The following FHOD3 variants were observed in gnomAD, a reference collection of about 807,000 sequenced individuals.
FHOD3 encodes the protein FH1/FH2 domain-containing protein 3.
In FHOD3, 90 loss-of-function variants were observed where a neutral mutation model predicts 173.0. That is an observed-to-expected ratio of 0.52 (90% CI 0.44 to 0.62). The LOEUF (loss-of-function observed/expected upper bound fraction) is 0.62, where lower values mean the gene tolerates loss of function less well. Among genes scored for constraint, FHOD3 ranks in the 20% least tolerant of loss-of-function variants. The pLI is 0.00. For missense variants in FHOD3, 1,945 were observed against 2,034.7 expected (o/e 0.96, Z 0.85); for synonymous variants, 828 against 823.0 (o/e 1.01, Z -0.10).
At chr18:36,350,104 T>A (rs949294494) in intron 1 of FHOD3, among the ~76,000 whole-genome samples, 8 of 152,170 alleles carry the variant, frequency 5.3e-5, no homozygotes, top group Admixed American at 4.6e-4. Flanking sequence ...CTGCACTATC[T>A]TTGCTGGAAC....
At chr18:36,352,580 C>T (rs561925237) in intron 1 of FHOD3, among the ~76,000 whole-genome samples, 49 of 152,304 alleles carry the variant, frequency 3.2e-4, no homozygotes, top group African/African-American at 9.6e-4. Context: ...CTCCAGACAG[C>T]GCTACTTGCT....
At chr18:36,739,743 T>G (rs1233200913) in intron 20 of FHOD3, among the ~76,000 whole-genome samples, 1 of 152,234 alleles carries the variant, frequency 6.6e-6, no homozygotes, top group Non-Finnish European at 1.5e-5. Flanking sequence ...TTAAAAAAAT[T>G]TTAGTTTATT....
chr18:36,511,442 G>A (rs2055645930), intron 4 of FHOD3, among the ~76,000 whole-genome samples: 1 of 151,778 alleles, frequency 6.6e-6, no homozygotes, highest in Admixed American at 6.6e-5. Flanking sequence ...TAAATCAGTG[G>A]TTCTTGAACA....
chr18:36,310,956 G>A (rs896225431), intron 1 of FHOD3, among the ~76,000 whole-genome samples: 1 of 152,152 alleles, frequency 6.6e-6, no homozygotes, highest in East Asian at 1.9e-4. Flanking sequence ...GGGGTTGACT[G>A]GGGAGCAGAG....
intron 3 of FHOD3, among the ~76,000 whole-genome samples, chr18:36,439,816 C>T (rs952986967): frequency 3.3e-5 from 5 of 152,024 alleles, no homozygotes; most frequent in African/African-American, 1.2e-4. Context: ...TATCCTAGTG[C>T]AGGAAAAGAT....
chr18:36,688,774 T>G (rs1384367173), intron 16 of FHOD3, among the ~76,000 whole-genome samples: 1 of 152,244 alleles, frequency 6.6e-6, no homozygotes. Context: ...TTAAGTGCTG[T>G]GTCAAGATCT....
At chr18:36,470,439 T>C (rs1312177593) in intron 3 of FHOD3, among the ~76,000 whole-genome samples, 9 of 152,178 alleles carry the variant, frequency 5.9e-5, no homozygotes, top group African/African-American at 2.2e-4. Context: ...GAGAGCTTTG[T>C]TGAGATGTTT....
intron 3 of FHOD3, among the ~76,000 whole-genome samples, chr18:36,390,590 T>G (rs78846731): frequency 6.6e-6 from 1 of 152,224 alleles, no homozygotes; most frequent in East Asian, 1.9e-4. Flanking sequence ...ACACTTTTTT[T>G]GAATAATGTA....
intron 3 of FHOD3, among the ~76,000 whole-genome samples, chr18:36,464,413 C>G (rs964012540): frequency 2.0e-5 from 3 of 152,172 alleles, no homozygotes; most frequent in Non-Finnish European, 4.4e-5. Context: ...CTGGATACTT[C>G]TAAGGCTTGG....
chr18:36,600,064 C>T (rs923086817), intron 7 of FHOD3, among the ~76,000 whole-genome samples: 1 of 152,008 alleles, frequency 6.6e-6, no homozygotes, highest in African/African-American at 2.4e-5. Context: ...AGACAAAGTG[C>T]TTTATCTCAA....
intron 1 of FHOD3, among the ~76,000 whole-genome samples, chr18:36,304,214 G>A (rs966947050): frequency 7.2e-5 from 11 of 152,178 alleles, no homozygotes; most frequent in African/African-American, 2.7e-4. Flanking sequence ...TAATAGTATT[G>A]TGGTTAGGTT....
chr18:36,359,114 T>C (rs1165839958), intron 2 of FHOD3, among the ~76,000 whole-genome samples: 3 of 152,210 alleles, frequency 2.0e-5, no homozygotes, highest in African/African-American at 7.2e-5. Flanking sequence ...GCAAATACCA[T>C]TTTTTTCTCT....
chr18:36,630,094 A>T (rs1413298974), intron 10 of FHOD3, among the ~76,000 whole-genome samples: 1 of 152,174 alleles, frequency 6.6e-6, no homozygotes, highest in Non-Finnish European at 1.5e-5. Context: ...TGATGCTGAG[A>T]TAGAGAGTGT....
chr18:36,586,597 T>C (rs193081318), intron 6 of FHOD3, among the ~76,000 whole-genome samples: 1 of 152,152 alleles, frequency 6.6e-6, no homozygotes, highest in Non-Finnish European at 1.5e-5. Flanking sequence ...CAAGTGATTC[T>C]CCTGCCTCAG....
Position 36,693,267 on chromosome 18 carries a change from A to C in FHOD3, c.2080A>C (p.Ser694Arg), listed in dbSNP as rs764664781. 4 of 1,613,770 alleles carry C rather than the reference A, an allele frequency of 2.5e-6. No individual in the cohort carries two copies. In the African/African-American group the frequency reaches 5.3e-5, roughly 22 times the overall value. Reference sequence around the variant, plus strand: ...GCACGAGAAGGAGCTGAGAAGCCGGAGTGTGAGCCGGGGCAGAGCCGACCT... The same window carrying C: ...GCACGAGAAGGAGCTGAGAAGCCGGCGTGTGAGCCGGGGCAGAGCCGACCT... The part of the protein sequence containing the change: ...EEHEKELRSR[S>R]VSRGRADLSL... The change falls in exon 17 of 29, where the codon AGT becomes CGT. Residue 694 changes from serine (S) to arginine (R), a missense_variant. Ser to Arg is a moderately radical substitution (Grantham distance 110). This residue lies in a region of FHOD3 where 1,099 missense variants were observed against 1,051.2 expected (regional missense o/e 1.05). Coordinates refer to ENST00000590592, the MANE Select transcript of FHOD3 (RefSeq NM_001281740.3).
intron 5 of FHOD3, among the ~76,000 whole-genome samples, chr18:36,515,768 T>C (rs2055936864): frequency 6.6e-6 from 1 of 152,290 alleles, no homozygotes; most frequent in East Asian, 1.9e-4. Context: ...CCTTCATATT[T>C]TCCTTTCTAA....
chr18:36,360,723 T>G (rs1025825497), intron 2 of FHOD3, among the ~76,000 whole-genome samples: 1 of 152,188 alleles, frequency 6.6e-6, no homozygotes, highest in African/African-American at 2.4e-5. Flanking sequence ...TTCTGTACAG[T>G]TTGTGGGTTT....
chr18:36,347,884 A>G (rs1043316075), intron 1 of FHOD3, among the ~76,000 whole-genome samples: 16 of 152,238 alleles, frequency 1.1e-4, no homozygotes, highest in Admixed American at 3.3e-4. Flanking sequence ...AATGCATTAT[A>G]CATACAAAGG....
intron 3 of FHOD3, among the ~76,000 whole-genome samples, chr18:36,376,510 A>G (rs1217930942): frequency 6.6e-6 from 1 of 152,216 alleles, no homozygotes; most frequent in African/African-American, 2.4e-5. Flanking sequence ...CTTTAGAGGC[A>G]TTTCAGAATC....
Sources: gnomAD v4.1 joint callset for allele counts (sites outside exome capture counted in the v4.1 genomes callset) on GRCh38, gnomAD v4.1.1 for gene constraint, gnomAD v4.1.1 regional missense constraint, MANE v1.5 for transcripts, NCBI Gene and HGNC (gene_info 2026-07-23, HGNC 2026-07-21) for gene names.